Variants in FGF14 observed in about 807,000 individuals in gnomAD.
The protein encoded by FGF14 is fibroblast growth factor 14.
Under a neutral mutation model 25.5 loss-of-function variants are expected in FGF14, and 5 were observed. The observed-to-expected ratio is 0.20, with a 90% confidence interval of 0.10 to 0.41. The LOEUF (loss-of-function observed/expected upper bound fraction) is 0.41, where lower values mean the gene tolerates loss of function less well. Among genes scored for constraint, FGF14 ranks in the 10% least tolerant of loss-of-function variants. The pLI is 1.00. For synonymous variants in FGF14, 138 were observed against 118.3 expected (o/e 1.17, Z -1.08); for missense variants, 222 against 320.1 (o/e 0.69, Z 2.34).
chr13:102,024,631 T>G (rs543612752), intron 1 of FGF14, among the ~76,000 whole-genome samples: 34 of 152,170 alleles, frequency 2.2e-4, no homozygotes, highest in Non-Finnish European at 3.5e-4. Context: ...TAAATGTATC[T>G]ATTTTATCTT....
At chr13:102,000,422 T>C (rs375675532) in intron 1 of FGF14, among the ~76,000 whole-genome samples, 46 of 152,212 alleles carry the variant, frequency 3.0e-4, no homozygotes, top group East Asian at 1.9e-4. Context: ...TACATTATGA[T>C]GCAAATATCT....
At chr13:102,116,709 T>C (rs1053923796) in intron 1 of FGF14, among the ~76,000 whole-genome samples, 1 of 152,124 alleles carries the variant, frequency 6.6e-6, no homozygotes, top group African/African-American at 2.4e-5. Context: ...CAGAGTTTGT[T>C]TGAGATGATA....
chr13:102,371,714 T>A (rs2057890927), intron 1 of FGF14, among the ~76,000 whole-genome samples: 1 of 152,176 alleles, frequency 6.6e-6, no homozygotes, highest in Admixed American at 6.5e-5. Flanking sequence ...ATAAGATGCT[T>A]ACTTAATATG....
At chr13:101,798,107 T>A (rs112367906) in intron 3 of FGF14, among the ~76,000 whole-genome samples, 3,353 of 152,212 alleles carry the variant, frequency 0.022, 123 homozygotes, top group African/African-American at 0.076. Flanking sequence ...TTGTATTTGA[T>A]CTTAAGGAAC....
At chr13:102,322,024 GA>G (rs1438732908) in intron 1 of FGF14, among the ~76,000 whole-genome samples, 1 of 152,192 alleles carries the variant, frequency 6.6e-6, no homozygotes, top group African/African-American at 2.4e-5. Context: ...AGATTGGAGA[GA>G]GGCACCCAAA....
intron 1 of FGF14, among the ~76,000 whole-genome samples, chr13:102,095,669 C>T (rs540015512): frequency 4.6e-5 from 7 of 152,182 alleles, no homozygotes; most frequent in Non-Finnish European, 7.4e-5. Context: ...TGTGAAGACA[C>T]CAGGATGAAG....
chr13:101,800,287 T>C (rs1474837905), intron 3 of FGF14, among the ~76,000 whole-genome samples: 1 of 152,150 alleles, frequency 6.6e-6, no homozygotes, highest in Non-Finnish European at 1.5e-5. Flanking sequence ...GACTATTTCA[T>C]GTCCTTACAA....
chr13:101,854,079 A>G (rs1385830990), intron 3 of FGF14, among the ~76,000 whole-genome samples: 2 of 152,038 alleles, frequency 1.3e-5, no homozygotes, highest in Non-Finnish European at 2.9e-5. Flanking sequence ...ATATGTTCCT[A>G]ACGCAGGCAA....
At chr13:101,980,288 G>C (rs2038168325) in intron 1 of FGF14, among the ~76,000 whole-genome samples, 1 of 151,586 alleles carries the variant, frequency 6.6e-6, no homozygotes, top group Admixed American at 6.6e-5. Flanking sequence ...TTTTTATTTG[G>C]ACTTTACAGG....
At chr13:102,402,188 G>T (rs2139300845), upstream of FGF14, 1 of 158,844 alleles carries the variant, frequency 6.3e-6, no homozygotes, top group African/African-American at 2.4e-5. Flanking sequence ...TCCCAGTGTC[G>T]ATTTTTTTTT....
At chr13:102,280,079 G>A (rs1248249725) in intron 1 of FGF14, among the ~76,000 whole-genome samples, 1 of 152,192 alleles carries the variant, frequency 6.6e-6, no homozygotes, top group Admixed American at 6.5e-5. Context: ...TAAGTATAAT[G>A]TGGATGCAGT....
chr13:102,107,696 T>C (rs140911954), intron 1 of FGF14, among the ~76,000 whole-genome samples: 1 of 152,270 alleles, frequency 6.6e-6, no homozygotes, highest in East Asian at 1.9e-4. Flanking sequence ...CAAAATGAAG[T>C]AACTGGCATT....
chr13:101,982,599 A>G (rs1323778232), intron 1 of FGF14, among the ~76,000 whole-genome samples: 1 of 152,230 alleles, frequency 6.6e-6, no homozygotes, highest in African/African-American at 2.4e-5. Context: ...CTGTTATCTA[A>G]GAGTGCAAAT....
intron 3 of FGF14, among the ~76,000 whole-genome samples, chr13:101,844,848 T>C (rs2043367239): frequency 6.6e-6 from 1 of 152,008 alleles, no homozygotes; most frequent in Non-Finnish European, 1.5e-5. Flanking sequence ...AGAGTTATGG[T>C]GCAGAGTCTA....
chr13:101,982,789 T>G (rs2038345640), intron 1 of FGF14, among the ~76,000 whole-genome samples: 1 of 152,196 alleles, frequency 6.6e-6, no homozygotes, highest in South Asian at 2.1e-4. Context: ...TTGTCTGACT[T>G]AAATATTTTA....
At chr13:101,927,300 G>T (rs2034431220) in intron 1 of FGF14, among the ~76,000 whole-genome samples, 1 of 152,152 alleles carries the variant, frequency 6.6e-6, no homozygotes, top group Non-Finnish European at 1.5e-5. Context: ...ATCAGCAAAT[G>T]AATCTCTCCC....
chr13:101,884,563 A>G (rs868253571), intron 1 of FGF14, among the ~76,000 whole-genome samples: 102 of 152,196 alleles, frequency 6.7e-4, no homozygotes, highest in African/African-American at 2.3e-3. Context: ...TGCTCAATAA[A>G]TACATCATTA....
At chr13:102,238,132 A>G (rs761045696) in intron 1 of FGF14, among the ~76,000 whole-genome samples, 2 of 152,240 alleles carry the variant, frequency 1.3e-5, no homozygotes, top group Non-Finnish European at 2.9e-5. Context: ...TAATTGGAAC[A>G]TAAGAAATTT....
At chr13:102,187,268 T>C (rs1411877290) in intron 1 of FGF14, among the ~76,000 whole-genome samples, 2 of 152,234 alleles carry the variant, frequency 1.3e-5, no homozygotes, top group Admixed American at 1.3e-4. Flanking sequence ...TTTAGGGCTA[T>C]AATCAAAGTA....
Sources: gnomAD v4.1 joint callset for allele counts (sites outside exome capture counted in the v4.1 genomes callset) on GRCh38, gnomAD v4.1.1 for gene constraint, MANE v1.5 for transcripts, NCBI Gene and HGNC (gene_info 2026-07-23, HGNC 2026-07-21) for gene names.